Variants in WDPCP observed in about 807,000 individuals in gnomAD.
The protein encoded by WDPCP is WD repeat containing planar cell polarity effector.
WDPCP carries 71 observed loss-of-function variants against 93.1 expected under a neutral mutation model. The observed-to-expected ratio is 0.76, with a 90% CI of 0.63 to 0.93. The LOEUF (loss-of-function observed/expected upper bound fraction) is 0.93. WDPCP is among the 40% of genes least tolerant of loss of function. WDPCP has a pLI of 0.00. For synonymous variants in WDPCP, 315 were observed against 315.0 expected (o/e 1.00, Z 0.00); for missense variants, 844 against 887.4 (o/e 0.95, Z 0.62).
chr2:63,573,670 G>A (rs1201362732), intron 1 of WDPCP, among the ~76,000 whole-genome samples: 1 of 151,998 alleles, frequency 6.6e-6, no homozygotes, highest in Non-Finnish European at 1.5e-5. Context: ...TGGGCACCTT[G>A]AAAAAAGAAC....
chr2:63,609,719 A>G (rs1428660000), intron 3 of WDPCP, among the ~76,000 whole-genome samples: 1 of 152,128 alleles, frequency 6.6e-6, no homozygotes, highest in Non-Finnish European at 1.5e-5. Flanking sequence ...CTAAAAATAA[A>G]AAATTAGCCA....
At chr2:63,469,372 G>C (rs550702452) in intron 6 of WDPCP, among the ~76,000 whole-genome samples, 1 of 152,126 alleles carries the variant, frequency 6.6e-6, no homozygotes. Context: ...AATATAAATA[G>C]TTCTATCATA....
chr2:63,394,443 C>T (rs1041426347), intron 10 of WDPCP, among the ~76,000 whole-genome samples: 2 of 151,688 alleles, frequency 1.3e-5, no homozygotes, highest in Admixed American at 6.6e-5. Flanking sequence ...CTAGTGGGAA[C>T]GTAAATTAGC....
At chr2:63,231,771 A>T (rs1678909115) in intron 14 of WDPCP, among the ~76,000 whole-genome samples, 1 of 152,180 alleles carries the variant, frequency 6.6e-6, no homozygotes, top group Admixed American at 6.5e-5. Context: ...TAATTTATAG[A>T]TTCAATGCCA....
At chr2:63,497,151 A>G (rs904822883) in intron 1 of WDPCP, among the ~76,000 whole-genome samples, 2 of 147,906 alleles carry the variant, frequency 1.4e-5, no homozygotes, top group Non-Finnish European at 3.0e-5. Context: ...AAGTGGCTGC[A>G]GGAAGTGGTG....
chr2:63,667,034 A>T (rs1031231763), intron 2 of WDPCP, among the ~76,000 whole-genome samples: 1 of 152,166 alleles, frequency 6.6e-6, no homozygotes, highest in Non-Finnish European at 1.5e-5. Context: ...ACACCCATAA[A>T]CACTTTTTAA....
Position 63,456,468 on chromosome 2 carries a change from A to G in WDPCP, c.385-16597T>C, listed in dbSNP as rs11896034. On this transcript the variant is annotated intron_variant, in intron 6 of 17. Transcript: ENST00000272321. ...TAAATAAATAAATGCAAATGGAAAC[A>G]CAATATACCCAAGCCTGTGCTGTGT... 3.1e-3 allele frequency among the ~76,000 whole-genome samples: 471 copies of G among 152,196 alleles called. 4 individuals carry two copies. The highest frequency in any genetic ancestry group is 0.011 in the African/African-American group (437 of 41,502).
rs367653779 is a variant in WDPCP at position 63,404,627 on chromosome 2, G to A, written c.856C>T (p.Pro286Ser). 30 of 1,614,008 alleles carry A rather than the reference G, an allele frequency of 1.9e-5. No homozygotes were observed. The highest frequency in any genetic ancestry group is 2.3e-5 in the Non-Finnish European group (27 of 1,179,968). The stretch of plus-strand genomic sequence containing the variant: ...TTGGTGCCAAAGCGAACATCCAGTG[G>A]GTCCCATTCTGTGCGGACAGAACTC... The part of the protein sequence containing the change: ...VLSSVRTEWD[P>S]LDVRFGTKQP... The change falls in exon 10 of 18, where the codon CCA becomes TCA. Residue 286 changes from proline to serine, a missense_variant. By Grantham distance (74) the Pro-to-Ser change is moderately conservative (BLOSUM62 -1). Coordinates refer to ENST00000272321, the MANE Select transcript of WDPCP (RefSeq NM_015910.7).
At chr2:63,798,609 C>A (rs906111592) in intron 2 of WDPCP, among the ~76,000 whole-genome samples, 1 of 151,752 alleles carries the variant, frequency 6.6e-6, no homozygotes, top group African/African-American at 2.4e-5. Flanking sequence ...TAAATCATAT[C>A]ATGAGAGAAA....
chr2:63,215,312 T>A (rs1379942945), intron 14 of WDPCP, among the ~76,000 whole-genome samples: 2 of 152,062 alleles, frequency 1.3e-5, no homozygotes, highest in African/African-American at 4.8e-5. Flanking sequence ...CAAACTATAC[T>A]ACAAGGCTAC....
Position 63,602,347 on chromosome 2 carries a change from G to GT in WDPCP, n.488+48311dup, listed in dbSNP as rs144884000. 5.3e-3 allele frequency among the ~76,000 whole-genome samples: 550 copies of GT among 103,970 alleles called. 2 individuals carry two copies. The highest frequency in any genetic ancestry group is 8.9e-3 in the African/African-American group (244 of 27,278). The allele number at this position is 103,970 out of a possible 152,430, so 68.2% of individuals were successfully genotyped here. A position where few individuals can be genotyped will look rare whatever the true frequency, so the allele number is the denominator to read the frequency against. ...TATCCTTTTCGGTTGGTTGGTTGGG[G>GT]TTTTTTTTTTTTTTTTTTTTTGCTT... is the stretch of plus-strand genomic sequence containing the variant. On this transcript the variant is annotated intron_variant and non_coding_transcript_variant, in intron 3 of 4. Transcript: ENST00000467687.
intron 6 of WDPCP, among the ~76,000 whole-genome samples, chr2:63,474,373 G>A (rs939579609): frequency 1.3e-5 from 2 of 152,114 alleles, no homozygotes; most frequent in Admixed American, 6.5e-5. Flanking sequence ...ACATAAGATG[G>A]TTCTCAATTT....
chr2:63,417,568 T>G (rs1558604846), intron 9 of WDPCP, among the ~76,000 whole-genome samples: 2 of 151,490 alleles, frequency 1.3e-5, no homozygotes, highest in African/African-American at 2.4e-5. Context: ...TATACTGCTA[T>G]GATAAAGGTA....
chr2:63,445,686 G>T (rs1345523292), intron 6 of WDPCP, among the ~76,000 whole-genome samples: 1 of 152,136 alleles, frequency 6.6e-6, no homozygotes, highest in Non-Finnish European at 1.5e-5. Context: ...AGGTGGTAAA[G>T]GGAGGCATCT....
chr2:63,307,070 A>T lies in WDPCP; in HGVS notation c.1812+6178T>A, dbSNP rs569175460. On this transcript the variant is annotated intron_variant, in intron 13 of 17. Transcript: ENST00000272321. ...CTCGGGATACAAAATCAATGTGCAA[A>T]AATCACAAGCATTCTTATACACCAA... Among the ~76,000 whole-genome samples the T allele has an allele frequency of 4.6e-5, 7 of 152,336 alleles. No individual in the cohort carries two copies. The East Asian group carries it at 1.2e-3, about 25-fold the overall frequency.
chr2:63,589,304 C>T (rs1040210263), upstream of WDPCP: 4 of 1,550,606 alleles, frequency 2.6e-6, no homozygotes, highest in African/African-American at 4.1e-5. Flanking sequence ...CGATCTTAAT[C>T]CTGCTGCATG....
intron 3 of WDPCP, chr2:63,597,903 G>A (rs1332190886): frequency 1.2e-5 from 2 of 162,378 alleles, no homozygotes; most frequent in Non-Finnish European, 2.7e-5. Flanking sequence ...TTAAATTTGT[G>A]TGTGATTGTG....
upstream of WDPCP, among the ~76,000 whole-genome samples, chr2:63,832,278 T>C (rs1671216165): frequency 6.6e-6 from 1 of 152,236 alleles, no homozygotes; most frequent in Non-Finnish European, 1.5e-5. Context: ...CATCAGGTAA[T>C]AATGGCCTTC....
chr2:63,379,748 T>C (rs1575276844), intron 11 of WDPCP, among the ~76,000 whole-genome samples: 1 of 152,144 alleles, frequency 6.6e-6, no homozygotes, highest in Non-Finnish European at 1.5e-5. Flanking sequence ...GCTCACTGGG[T>C]TCCACTAATA....
Sources: gnomAD v4.1 joint callset for allele counts (sites outside exome capture counted in the v4.1 genomes callset) on GRCh38, gnomAD v4.1.1 for gene constraint, MANE v1.5 for transcripts, NCBI Gene and HGNC (gene_info 2026-07-23, HGNC 2026-07-21) for gene names.